FBXL20: variants seen among roughly 807,000 people sequenced by gnomAD.
The protein encoded by FBXL20 is F-box/LRR-repeat protein 20.
A neutral mutation model predicts 64.0 loss-of-function variants in FBXL20; 11 were observed. The observed-to-expected ratio is 0.17, with a 90% CI of 0.11 to 0.28. FBXL20 has a LOEUF of 0.28. FBXL20 is among the 10% of genes least tolerant of loss of function. The probability of loss-of-function intolerance (pLI) is 1.00; values close to 1 mark genes in which losing one functional copy is unlikely to be tolerated. For synonymous variants in FBXL20, 184 were observed against 189.0 expected (o/e 0.97, Z 0.22); for missense variants, 303 against 526.2 (o/e 0.58, Z 4.15).
intron 2 of FBXL20, among the ~76,000 whole-genome samples, chr17:39,318,611 A>G (rs1350579844): frequency 6.6e-6 from 1 of 152,110 alleles, no homozygotes; most frequent in African/African-American, 2.4e-5. Context: ...TTGGTGGCGC[A>G]TGCCTGTAAT....
At chr17:39,381,012 T>C (rs2048017240) in intron 1 of FBXL20, among the ~76,000 whole-genome samples, 1 of 151,480 alleles carries the variant, frequency 6.6e-6, no homozygotes, top group Non-Finnish European at 1.5e-5. Flanking sequence ...ATACAAAAAC[T>C]AGCAGGGCGT....
intron 4 of FBXL20, among the ~76,000 whole-genome samples, chr17:39,300,797 T>C (rs1343938936): frequency 2.0e-5 from 3 of 152,202 alleles, no homozygotes; most frequent in African/African-American, 7.2e-5. Flanking sequence ...ACTAAGTAAT[T>C]GTATTATTTC....
At chr17:39,349,367 G>T (rs1158403991) in intron 1 of FBXL20, among the ~76,000 whole-genome samples, 2 of 137,358 alleles carry the variant, frequency 1.5e-5, no homozygotes, top group Non-Finnish European at 3.1e-5. Context: ...GGGATTACAG[G>T]TATTAAGTCA....
intron 1 of FBXL20, among the ~76,000 whole-genome samples, chr17:39,345,603 C>T (rs771658203): frequency 5.3e-5 from 8 of 151,956 alleles, no homozygotes; most frequent in Non-Finnish European, 1.5e-5. Flanking sequence ...TGCAATAGCA[C>T]AATCTCAGAT....
intron 6 of FBXL20, among the ~76,000 whole-genome samples, chr17:39,296,559 C>CAAAAAAAAAAAAAAAAAAAAAAAAAAA (rs60002793): frequency 3.2e-5 from 2 of 62,162 alleles, no homozygotes; most frequent in Non-Finnish European, 6.6e-5. Flanking sequence ...GACTCTGTCT[C>CAAAAAAAAAAAAAAAAAAAAAAAAAAA]AAAAAAAAAA....
chr17:39,301,008 T>G lies in FBXL20; in HGVS notation c.227A>C (p.Asp76Ala), dbSNP rs1465346007. 6.2e-7 allele frequency: 1 copy of G among 1,613,656 alleles called. No homozygotes were observed. Among genetic ancestry groups the G allele is most frequent in the Non-Finnish European group, 8.5e-7 (1 of 1,179,912 alleles). Residue 76 changes from aspartate to alanine, a missense_variant, in exon 4 of 15, where the codon GAT becomes GCT. This residue lies in a region of FBXL20 where 246 missense variants were observed against 422.6 expected (regional missense o/e 0.58). Transcript: ENST00000264658. The part of the protein sequence containing the change: ...QRIDLFDFQR[D>A]IEGRVVENIS... The stretch of plus-strand genomic sequence containing the variant: ...CACACCACATAATTATACCTCAATA[T>G]CCCTCTGGAAATCAAATAGGTCAAT...
intron 11 of FBXL20, among the ~76,000 whole-genome samples, chr17:39,270,319 G>A (rs753659002): frequency 3.3e-5 from 5 of 152,168 alleles, no homozygotes; most frequent in African/African-American, 4.8e-5. Flanking sequence ...CAAGGTGAGC[G>A]GATGACTTGA....
intron 2 of FBXL20, among the ~76,000 whole-genome samples, chr17:39,324,008 A>ACCCCCCCCCCC (rs138382317): frequency 7.0e-5 from 9 of 129,036 alleles, no homozygotes; most frequent in African/African-American, 1.4e-4. Flanking sequence ...TCGTGATCCA[A>ACCCCCCCCCCC]CCCCCTCCCC....
intron 6 of FBXL20, among the ~76,000 whole-genome samples, chr17:39,292,651 C>T (rs1304320762): frequency 1.3e-5 from 2 of 151,528 alleles, no homozygotes. Flanking sequence ...GAGAGTTTTT[C>T]GCTTGTTGCC....
intron 2 of FBXL20, among the ~76,000 whole-genome samples, chr17:39,336,885 T>G (rs895460487): frequency 6.6e-6 from 1 of 151,352 alleles, no homozygotes; most frequent in Non-Finnish European, 1.5e-5. Flanking sequence ...ACCACCATAG[T>G]AGCAAACTCC....
At chr17:39,279,424 T>A (rs1411714822) in intron 9 of FBXL20, among the ~76,000 whole-genome samples, 1 of 150,586 alleles carries the variant, frequency 6.6e-6, no homozygotes, top group African/African-American at 2.4e-5. Flanking sequence ...GCTTGAGCCC[T>A]GTAGTTGGAG....
At position 39,374,760 on chromosome 17, in the gene FBXL20, A is replaced by T. The variant is rs1402786227; in HGVS notation, c.42+26601T>A. Among the ~76,000 whole-genome samples, 13 of 152,266 alleles carry T rather than the reference A, an allele frequency of 8.5e-5. No homozygotes were observed. The East Asian group carries it at 2.5e-3, about 29-fold the overall frequency. On this transcript the variant is annotated intron_variant, in intron 1 of 14. Transcript: ENST00000264658. ...AATTCCAATGAAATGGACAGAATTT[A>T]AGCGGACAGCTCAAGCTACTTTTCT... is the stretch of plus-strand genomic sequence containing the variant.
chr17:39,386,691 A>G (rs2048084235), intron 1 of FBXL20, among the ~76,000 whole-genome samples: 1 of 152,218 alleles, frequency 6.6e-6, no homozygotes, highest in South Asian at 2.1e-4. Context: ...AAAGAGTACC[A>G]TTAGCATGAA....
rs749501164 is a variant in FBXL20, at chr17:39,285,582, T to C, written c.399-9A>G. The C allele has an allele frequency of 1.3e-6, 2 of 1,569,298 alleles. No individual in the cohort carries two copies. The highest frequency in any genetic ancestry group is 1.7e-4 in the Middle Eastern group (1 of 5,908). Reference sequence around the variant, plus strand: ...TAAGGCTAGTACATGTACTGAAAAATGGAAAAAGGAGAAAATAATGAATAA... The same window carrying C: ...TAAGGCTAGTACATGTACTGAAAAACGGAAAAAGGAGAAAATAATGAATAA... On this transcript the variant is annotated splice_polypyrimidine_tract_variant and intron_variant, in intron 6 of 14. Coordinates refer to ENST00000264658, the MANE Select transcript of FBXL20 (RefSeq NM_032875.3).
chr17:39,402,159 C>G, upstream of FBXL20: 1 of 1,233,178 alleles, frequency 8.1e-7, no homozygotes. Flanking sequence ...CAGCTCCCTT[C>G]CCCTGTCACT....
chr17:39,295,784 G>GAGAT (rs758714135), intron 6 of FBXL20, among the ~76,000 whole-genome samples: 58 of 137,096 alleles, frequency 4.2e-4, no homozygotes, highest in Admixed American at 1.5e-3. Context: ...CAAATATGGA[G>GAGAT]ATATATATAT....
At chr17:39,265,831 C>G (rs960551304) in intron 12 of FBXL20, among the ~76,000 whole-genome samples, 1 of 152,002 alleles carries the variant, frequency 6.6e-6, no homozygotes, top group Non-Finnish European at 1.5e-5. Flanking sequence ...CAGCCTCAAC[C>G]TCCCAGGCTC....
chr17:39,265,688 T>A (rs8067587), intron 12 of FBXL20, among the ~76,000 whole-genome samples: 10,397 of 149,292 alleles, frequency 0.07, 406 homozygotes, highest in African/African-American at 0.11. Context: ...ATTAAAAAAA[T>A]TTTTTTTTTT....
upstream of FBXL20, chr17:39,402,334 G>C (rs1171049762): frequency 1.4e-6 from 1 of 711,442 alleles, no homozygotes. Context: ...ATTACATTAC[G>C]GGGTGCTGCA....
Sources: allele counts gnomAD v4.1 joint callset (sites outside exome capture counted in the v4.1 genomes callset), GRCh38; gene constraint gnomAD v4.1.1; regional missense constraint gnomAD v4.1.1; transcripts MANE v1.5; gene names NCBI Gene and HGNC (gene_info 2026-07-23, HGNC 2026-07-21).